The following CMTR1 variants were observed in gnomAD, a reference collection of about 807,000 sequenced individuals.
The protein encoded by CMTR1 is cap methyltransferase 1.
CMTR1 carries 39 observed loss-of-function variants against 107.0 expected under a neutral mutation model. That is an observed-to-expected ratio of 0.36 (90% confidence interval 0.28 to 0.48). CMTR1 has a LOEUF of 0.48. Ranked by LOEUF, CMTR1 falls within the 20% of genes least tolerant of loss-of-function variation. The pLI, the probability that CMTR1 is intolerant of heterozygous loss-of-function variation, is 0.99. For missense variants in CMTR1, 672 were observed against 1,064.9 expected, an observed-to-expected ratio of 0.63 and a Z score of 5.14; for synonymous variants, 366 against 379.5, an observed-to-expected ratio of 0.96 and a Z score of 0.41.
intron 4 of CMTR1, among the ~76,000 whole-genome samples, chr6:37,446,797 C>T (rs1771808604): frequency 6.6e-6 from 1 of 152,208 alleles, no homozygotes; most frequent in African/African-American, 2.4e-5. Context: ...TGAAAGTGTT[C>T]AGGCAGGCCA....
chr6:37,467,650 C>T (rs935456162), intron 13 of CMTR1, among the ~76,000 whole-genome samples: 2 of 152,168 alleles, frequency 1.3e-5, no homozygotes, highest in Non-Finnish European at 1.5e-5. Flanking sequence ...TTATTAGGCA[C>T]ATGTACATTT....
intron 3 of CMTR1, 35 bp downstream of exon 3, chr6:37,444,185 C>T: frequency 6.3e-7 from 1 of 1,597,584 alleles, no homozygotes; most frequent in Non-Finnish European, 8.5e-7. Flanking sequence ...TCTCAAGCCC[C>T]ACCAGCAGAG....
chr6:37,443,592 T>C (rs1771720455), intron 2 of CMTR1, among the ~76,000 whole-genome samples: 1 of 152,198 alleles, frequency 6.6e-6, no homozygotes, highest in Non-Finnish European at 1.5e-5. Flanking sequence ...TGACCTCAAG[T>C]GATCCGCCCA....
At chr6:37,443,358 C>CT (rs67268523) in intron 2 of CMTR1, among the ~76,000 whole-genome samples, 12,642 of 145,008 alleles carry the variant, frequency 0.087, 935 homozygotes, top group African/African-American at 0.2. Flanking sequence ...AATGTACTTT[C>CT]TTTTTTTTTT....
chr6:37,451,877 G>T lies in CMTR1; in HGVS notation c.609G>T (p.Lys203Asn). ...EELLHSVLQC[K>N]SVFDVLDGEE... ...TGCTTCACAGTGTGTTGCAGTGTAA[G>T]GTAAGGTCTTGTGGCTAGAACCAGA... Residue 203 changes from lysine to asparagine, a missense_variant and splice_region_variant, in exon 6 of 24, where the codon AAG becomes AAT. Physicochemically the swap from Lys to Asn is moderately conservative, Grantham distance 94. This residue lies in a region of CMTR1 where 583 missense variants were observed against 968.4 expected (regional missense o/e 0.60). Transcript: ENST00000373451. 6.2e-7 allele frequency: 1 copy of T among 1,611,718 alleles called. No homozygotes were observed. Among genetic ancestry groups the T allele is most frequent in the Non-Finnish European group, 8.5e-7 (1 of 1,178,716 alleles).
At chr6:37,477,324 C>T (rs909293927) in intron 20 of CMTR1, among the ~76,000 whole-genome samples, 2 of 152,200 alleles carry the variant, frequency 1.3e-5, no homozygotes, top group African/African-American at 4.8e-5. Flanking sequence ...TCCTCTTTCT[C>T]CCTCCTGTCT....
upstream of CMTR1, among the ~76,000 whole-genome samples, chr6:37,430,249 T>A (rs1259166206): frequency 2.6e-5 from 4 of 152,236 alleles, no homozygotes; most frequent in Admixed American, 2.6e-4. Flanking sequence ...CATTTACTTT[T>A]CAGAATCCTC....
At chr6:37,424,961 T>C in the CMTR1 span, among the ~76,000 whole-genome samples, 1 of 150,260 alleles carries the variant, frequency 6.7e-6, no homozygotes, top group South Asian at 2.1e-4. Flanking sequence ...TTTTTTTTTT[T>C]TTTTGAGATG....
Position 37,437,252 on chromosome 6 carries a change from C to T in CMTR1, c.133+1490C>T, listed in dbSNP as rs113806448. On this transcript the variant is annotated intron_variant, in intron 2 of 23. Transcript: ENST00000373451. ...TTTTAAAGCTCATCAGCTGGCCAGG[C>T]GCGGTGGCTCACAGTTGTAATCCCG... Among the ~76,000 whole-genome samples the T allele has an allele frequency of 4.1e-3, 620 of 149,614 alleles. 2 individuals carry two copies. The highest frequency in any genetic ancestry group is 0.015 in the African/African-American group (595 of 40,560).
Position 37,458,922 on chromosome 6 carries a change from AC to A in CMTR1, c.976+115del. The A allele has an allele frequency of 1.0e-6, 1 of 957,470 alleles. No individual in the cohort carries two copies. Among genetic ancestry groups the A allele is most frequent in the Middle Eastern group, 3.3e-4 (1 of 3,018 alleles). The allele number at this position is 957,470 out of a possible 1,614,324, so 59.3% of individuals were successfully genotyped here. Reference sequence around the variant, plus strand: ...CCATATTTTCTTTCCTAGGTCTCTTACCCTGGGCTTCACAGTTCATGTCAGA... The same window carrying A: ...CCATATTTTCTTTCCTAGGTCTCTTACCTGGGCTTCACAGTTCATGTCAGA... On this transcript the variant is annotated intron_variant, in intron 9 of 23. Coordinates refer to ENST00000373451, the MANE Select transcript of CMTR1 (RefSeq NM_015050.3). The surrounding 1 kb of genome is among the most constrained non-coding windows in gnomAD (Gnocchi z 4.7).
chr6:37,424,583 T>A, the CMTR1 span, among the ~76,000 whole-genome samples: 1 of 152,098 alleles, frequency 6.6e-6, no homozygotes, highest in Non-Finnish European at 1.5e-5. Context: ...CACTAATATT[T>A]TAAAAATACA....
chr6:37,438,065 CTA>C (rs1330123692), intron 2 of CMTR1, among the ~76,000 whole-genome samples: 1 of 152,212 alleles, frequency 6.6e-6, no homozygotes, highest in African/African-American at 2.4e-5. Context: ...TCAGGATTGA[CTA>C]TTGCTGTTGT....
At chr6:37,475,272 G>A in intron 18 of CMTR1, 49 bp from the exon 19 acceptor site, 1 of 1,487,358 alleles carries the variant, frequency 6.7e-7, no homozygotes, top group Non-Finnish European at 9.3e-7. Context: ...AGTGGGGGCT[G>A]AAGGCTGACA....
upstream of CMTR1, among the ~76,000 whole-genome samples, chr6:37,428,856 GTT>G (rs1329039972): frequency 6.6e-6 from 1 of 152,154 alleles, no homozygotes. Context: ...CAGCAGTTTG[GTT>G]ATGATGCATT....
Position 37,459,749 on chromosome 6 carries a change from GTTTGT to G in CMTR1, c.1095+69_1095+73del, listed in dbSNP as rs771867232. Reference sequence around the variant, plus strand: ...TTGTTATTTTAGAGGTTTGAGAATTGTTTGTTTTATCTGGTTCTTTAGCTGCTCCC... The same window carrying G: ...TTGTTATTTTAGAGGTTTGAGAATTGTTTATCTGGTTCTTTAGCTGCTCCC... On this transcript the variant is annotated intron_variant, in intron 10 of 23. Transcript: ENST00000373451. 10 of 1,195,076 alleles carry G rather than the reference GTTTGT, an allele frequency of 8.4e-6. No homozygotes were observed. The Admixed American group carries it at 1.0e-4, about 12-fold the overall frequency. 74.0% of individuals were successfully genotyped at this position (1,195,076 alleles called of 1,614,324 possible).
chr6:37,458,210 A>C lies in CMTR1; in HGVS notation c.778-402A>C, dbSNP rs1465947980. ...GCTGGGTTTACAGGTGTGCGCCACC[A>C]CACCTGGCTAATTTTTTGTATTTTT... On this transcript the variant is annotated intron_variant, in intron 8 of 23. Transcript: ENST00000373451. The surrounding 1 kb of genome is among the most constrained non-coding windows in gnomAD (Gnocchi z 4.7). Among the ~76,000 whole-genome samples, 1 of 151,610 alleles carries C rather than the reference A, an allele frequency of 6.6e-6. No individual in the cohort carries two copies. Among genetic ancestry groups the C allele is most frequent in the African/African-American group, 2.4e-5 (1 of 41,208 alleles).
In CMTR1 at chr6:37,480,966, C is replaced by T. The variant is rs1761842143; in HGVS notation, c.*821C>T. ...TCCCCCACAGCAGCAGGGGCCCCAG[C>T]AGTAACAAAGGGTACCTCCAGGGGT... On this transcript the variant is annotated 3_prime_UTR_variant, in exon 24 of 24. Coordinates refer to ENST00000373451, the MANE Select transcript of CMTR1 (RefSeq NM_015050.3). 13 of 1,268,476 alleles carry T rather than the reference C, an allele frequency of 1.0e-5. No individual in the cohort carries two copies. The highest frequency in any genetic ancestry group is 1.3e-5 in the Non-Finnish European group (13 of 974,922). The allele number at this position is 1,268,476 out of a possible 1,614,324, so 78.6% of individuals were successfully genotyped here.
rs1234624070 is a variant in CMTR1 at position 37,453,240 on chromosome 6, G to A, written c.705G>A (p.Arg235=). 6.2e-7 allele frequency: 1 copy of A among 1,613,978 alleles called. No homozygotes were observed. Among genetic ancestry groups the A allele is most frequent in the East Asian group, 2.2e-5 (1 of 44,884 alleles). ...ACTTTTCTGTCTTGCTTTATTGCAG[G>A]GCAGCAATGAAGATGGCTAACATGG... is the stretch of plus-strand genomic sequence containing the variant. ...EMIRGVFFLN[R]AAMKMANMDF... is the part of the protein sequence containing the mutation. Residue 235 remains arginine (R), a splice_region_variant and synonymous_variant, in exon 8 of 24, where the codon AGG becomes AGA. Coordinates refer to ENST00000373451, the MANE Select transcript of CMTR1 (RefSeq NM_015050.3).
upstream of CMTR1, among the ~76,000 whole-genome samples, chr6:37,431,529 TACAG>T (rs1469654695): frequency 3.3e-5 from 5 of 151,964 alleles, no homozygotes; most frequent in South Asian, 1.0e-3. Flanking sequence ...GTGAATTTAA[TACAG>T]ACAGACAATC....
Sources: allele counts gnomAD v4.1 joint callset (sites outside exome capture counted in the v4.1 genomes callset), GRCh38; gene constraint gnomAD v4.1.1; regional missense constraint gnomAD v4.1.1; non-coding constraint Gnocchi (gnomAD v3.1); transcripts MANE v1.5; gene names NCBI Gene and HGNC (gene_info 2026-07-23, HGNC 2026-07-21).